HUS1: variants seen among roughly 807,000 people sequenced by gnomAD.
The protein encoded by HUS1 is HUS1 checkpoint clamp component.
In HUS1, 31 loss-of-function variants were observed where a neutral mutation model predicts 32.6. The observed-to-expected ratio is 0.95, with a 90% confidence interval of 0.72 to 1.28. The LOEUF is 1.28. Ranked by LOEUF, HUS1 falls within the 50% of genes most tolerant of loss-of-function variation. HUS1 has a pLI of 0.00. For synonymous variants in HUS1, 123 were observed against 116.6 expected, an observed-to-expected ratio of 1.06 and a Z score of -0.36; for missense variants, 340 against 337.7, an observed-to-expected ratio of 1.01 and a Z score of -0.05.
At chr7:47,976,624 G>T in intron 4 of HUS1, 106 bp downstream of exon 4, 4 of 744,806 alleles carry the variant, frequency 5.4e-6, no homozygotes, top group Non-Finnish European at 9.6e-6. Flanking sequence ...TTTTCGTTAA[G>T]TATCCTTTAA....
chr7:47,974,061 T>A (rs1305918423), intron 5 of HUS1, among the ~76,000 whole-genome samples: 1 of 152,214 alleles, frequency 6.6e-6, no homozygotes, highest in African/African-American at 2.4e-5. Context: ...AAGCTTTGAG[T>A]TACCCAGGTC....
chr7:47,977,504 TAAGC>T (rs1317667877), intron 3 of HUS1, among the ~76,000 whole-genome samples: 1 of 152,238 alleles, frequency 6.6e-6, no homozygotes. Context: ...TGCTTTTCCT[TAAGC>T]AATAGAAAAA....
intron 5 of HUS1, among the ~76,000 whole-genome samples, chr7:47,974,913 T>C (rs1225564572): frequency 1.3e-5 from 2 of 152,156 alleles, no homozygotes; most frequent in Admixed American, 6.5e-5. Context: ...CATATCTTTG[T>C]CCCTGGCTCA....
rs890501764 is a variant in HUS1 at position 47,964,162 on chromosome 7, T to C, written c.*1194A>G. 6 of 152,288 alleles carry C rather than the reference T, an allele frequency of 3.9e-5. No homozygotes were observed. The highest frequency in any genetic ancestry group is 3.9e-4 in the Admixed American group (6 of 15,286). The allele number at this position is 152,288 out of a possible 1,614,324, so 9.4% of individuals were successfully genotyped here. A position where few individuals can be genotyped will look rare whatever the true frequency, so the allele number is the denominator to read the frequency against. On this transcript the variant is annotated 3_prime_UTR_variant, in exon 8 of 8. Coordinates refer to ENST00000258774, the MANE Select transcript of HUS1 (RefSeq NM_004507.4). ...GGGAGGCCCAGGTGGGCGGGTGGCT[T>C]GAGCCCAGGAGTTCAAGACCAGCCT... is the stretch of plus-strand genomic sequence containing the variant.
chr7:47,978,352 G>T, intron 3 of HUS1, 65 bp downstream of exon 3: 1 of 1,385,806 alleles, frequency 7.2e-7, no homozygotes, highest in Non-Finnish European at 1.0e-6. Context: ...AAAAGGCTAG[G>T]CTAACTATGT....
At position 47,976,835 on chromosome 7, in the gene HUS1, T is replaced by C; in HGVS notation, c.360A>G (p.Leu120=). The change falls in exon 4 of 8, where the codon TTA becomes TTG. Residue 120 remains leucine, a splice_region_variant and synonymous_variant. Coordinates refer to ENST00000258774, the MANE Select transcript of HUS1 (RefSeq NM_004507.4). ...CAATGCGGCTACTGCTTGACATAGA[T>C]AACTGCCAAGAAAAGAATTTAAAAA... ...FPCLTVSVEL[L]SMSSSSRIVT... The C allele has an allele frequency of 1.9e-6, 3 of 1,588,710 alleles. No individual in the cohort carries two copies. The highest frequency in any genetic ancestry group is 2.6e-6 in the Non-Finnish European group (3 of 1,157,684).
intron 5 of HUS1, among the ~76,000 whole-genome samples, chr7:47,974,697 G>T (rs1464772818): frequency 6.6e-6 from 1 of 151,802 alleles, no homozygotes; most frequent in Non-Finnish European, 1.5e-5. Context: ...AGGAGGGAGG[G>T]GCAGTGAGTG....
intron 4 of HUS1, 127 bp downstream of exon 4, chr7:47,976,603 A>G: frequency 5.7e-6 from 4 of 699,368 alleles, no homozygotes. Flanking sequence ...CAAAAGGCAA[A>G]TAATCTAATG....
chr7:47,966,206 G>C (rs887319254), intron 7 of HUS1, among the ~76,000 whole-genome samples: 1 of 152,126 alleles, frequency 6.6e-6, no homozygotes, highest in African/African-American at 2.4e-5. Context: ...GCAGGACCTA[G>C]CTAGAGGAGG....
chr7:47,972,991 G>A (rs182645104), intron 5 of HUS1, among the ~76,000 whole-genome samples: 3 of 152,244 alleles, frequency 2.0e-5, no homozygotes, highest in African/African-American at 7.2e-5. Flanking sequence ...TGGATCATGG[G>A]GGCAGCTTTT....
chr7:47,974,300 C>T (rs1334895910), intron 5 of HUS1, among the ~76,000 whole-genome samples: 1 of 152,094 alleles, frequency 6.6e-6, no homozygotes, highest in Non-Finnish European at 1.5e-5. Flanking sequence ...TGGTGGTTCA[C>T]GAGACCTTCA....
chr7:47,965,089 T>C lies in HUS1; in HGVS notation c.*267A>G, dbSNP rs894947729. On this transcript the variant is annotated 3_prime_UTR_variant, in exon 8 of 8. Coordinates refer to ENST00000258774, the MANE Select transcript of HUS1 (RefSeq NM_004507.4). ...TTTTCACAACATCAATGAGAAATTG[T>C]TCTTTAAAGTCTGAATAAATAAATT... 6.2e-6 allele frequency: 2 copies of C among 324,128 alleles called. No individual in the cohort carries two copies. Among genetic ancestry groups the C allele is most frequent in the East Asian group, 1.1e-4 (2 of 17,828 alleles). The allele number at this position is 324,128 out of a possible 1,614,324, so 20.1% of individuals were successfully genotyped here.
chr7:47,974,005 C>T (rs1788649037), intron 5 of HUS1, among the ~76,000 whole-genome samples: 1 of 152,336 alleles, frequency 6.6e-6, no homozygotes, highest in Middle Eastern at 3.4e-3. Context: ...GCACAGTGCA[C>T]ACTGCTTCAT....
chr7:47,974,075 TG>T (rs1239689647), intron 5 of HUS1, among the ~76,000 whole-genome samples: 6 of 152,228 alleles, frequency 3.9e-5, no homozygotes, highest in African/African-American at 1.4e-4. Flanking sequence ...CCAGGTCCAA[TG>T]ACAGCATTGC....
At chr7:47,969,430 A>C in intron 5 of HUS1, 112 bp from the exon 6 acceptor site, 1 of 657,078 alleles carries the variant, frequency 1.5e-6, no homozygotes, top group Non-Finnish European at 2.7e-6. Context: ...AAAACCTCAA[A>C]ACACCTCAGA....
In HUS1 at chr7:47,978,510, T is replaced by C; in HGVS notation, c.264A>G (p.Leu88=). The change falls in exon 3 of 8, where the codon TTA becomes TTG. Residue 88 remains leucine (L), a synonymous_variant. Coordinates refer to ENST00000258774, the MANE Select transcript of HUS1 (RefSeq NM_004507.4). ...EIYLELTSEN[L]SRALKTAQNA... is the part of the protein sequence containing the mutation. The stretch of plus-strand genomic sequence containing the variant: ...TCTGGGCAGTCTTCAAGGCTCGAGA[T>C]AAGTTTTCCGATGTTAGCTCTAAAT... The C allele has an allele frequency of 3.1e-6, 5 of 1,614,210 alleles. No homozygotes were observed. The highest frequency in any genetic ancestry group is 4.2e-6 in the Non-Finnish European group (5 of 1,180,018).
chr7:47,976,240 TAAAC>T, intron 4 of HUS1: 1 of 412,784 alleles, frequency 2.4e-6, no homozygotes, highest in South Asian at 1.7e-5. Context: ...ACTTTCTTCT[TAAAC>T]AAATTGTGAG....
At chr7:47,972,105 T>G (rs1179584972) in intron 5 of HUS1, among the ~76,000 whole-genome samples, 1 of 152,190 alleles carries the variant, frequency 6.6e-6, no homozygotes, top group African/African-American at 2.4e-5. Flanking sequence ...TCTGGAACAA[T>G]AGTTGACTGA....
chr7:47,965,571 A>C (rs1583711863), intron 7 of HUS1, 133 bp from the exon 8 acceptor site: 3 of 631,124 alleles, frequency 4.8e-6, no homozygotes. Context: ...AGCTGCAGAG[A>C]CCACAGTCTC....
Sources: gnomAD v4.1 joint callset for allele counts (sites outside exome capture counted in the v4.1 genomes callset) on GRCh38, gnomAD v4.1.1 for gene constraint, MANE v1.5 for transcripts, NCBI Gene and HGNC (gene_info 2026-07-23, HGNC 2026-07-21) for gene names.